Variants in MTERF1 observed in about 807,000 individuals in gnomAD.
MTERF1 encodes the protein mitochondrial transcription termination factor 1, also known as transcription termination factor 1, mitochondrial.
Under a neutral mutation model 31.6 loss-of-function variants are expected in MTERF1, and 29 were observed. That is an observed-to-expected ratio of 0.92 (90% CI 0.68 to 1.25). The LOEUF (loss-of-function observed/expected upper bound fraction) is 1.25, where lower values mean the gene tolerates loss of function less well. Among genes scored for constraint, MTERF1 ranks in the 50% most tolerant of loss-of-function variants. The pLI, the probability that MTERF1 is intolerant of heterozygous loss-of-function variation, is 0.00. For synonymous variants in MTERF1, 152 were observed against 164.1 expected, an observed-to-expected ratio of 0.93 and a Z score of 0.57; for missense variants, 500 against 469.1, an observed-to-expected ratio of 1.07 and a Z score of -0.61.
intron 2 of MTERF1, among the ~76,000 whole-genome samples, chr7:91,876,356 A>C (rs1318422615): frequency 1.3e-5 from 2 of 152,228 alleles, no homozygotes; most frequent in African/African-American, 4.8e-5. Flanking sequence ...TATAGCTGTA[A>C]CAAGTTCGTG....
At chr7:91,879,203 T>C (rs1584466395) in intron 2 of MTERF1, among the ~76,000 whole-genome samples, 1 of 152,176 alleles carries the variant, frequency 6.6e-6, no homozygotes, top group South Asian at 2.1e-4. Context: ...ATAACATTAT[T>C]TGCTATAACA....
chr7:91,876,980 T>C, intron 2 of MTERF1: 1 of 972,458 alleles, frequency 1.0e-6, no homozygotes, highest in Non-Finnish European at 1.2e-6. Context: ...CAGTACTTTC[T>C]AGAGAGGTCC....
Position 91,874,165 on chromosome 7 carries a change from A to G in MTERF1, c.629T>C (p.Leu210Pro). The part of the protein sequence containing the change: ...APRTFSNSLD[L>P]NKQMVEFLQA... ...CAAAAATTCAACCATCTGTTTATTC[A>G]GATCAAGACTATTGGAGAAGGTACG... The change falls in exon 3 of 3, where the codon CTG becomes CCG. Residue 210 changes from leucine (L) to proline (P), a missense_variant. Coordinates refer to ENST00000351870, the MANE Select transcript of MTERF1 (RefSeq NM_006980.5). 6.2e-7 allele frequency: 1 copy of G among 1,614,214 alleles called. No individual in the cohort carries two copies. Among genetic ancestry groups the G allele is most frequent in the Non-Finnish European group, 8.5e-7 (1 of 1,180,030 alleles).
chr7:91,880,432 G>A (rs1789476198), intron 1 of MTERF1: 2 of 215,736 alleles, frequency 9.3e-6, no homozygotes, highest in South Asian at 7.6e-5. Context: ...AAACAGCGCC[G>A]AGCTCCCATA....
chr7:91,875,875 A>G (rs1447708157), intron 2 of MTERF1, among the ~76,000 whole-genome samples: 1 of 152,238 alleles, frequency 6.6e-6, no homozygotes, highest in African/African-American at 2.4e-5. Flanking sequence ...TTGTAACCCA[A>G]TAATTCCAAA....
Position 91,872,002 on chromosome 7 carries a change from T to G in MTERF1, c.*1592A>C, listed in dbSNP as rs1299348364. ...AAGAGGAAAAGAGACCTAAGTACAT[T>G]AGCAATCGCCATGTGATACACTGTG... On this transcript the variant is annotated 3_prime_UTR_variant, in exon 3 of 3. Coordinates refer to ENST00000351870, the MANE Select transcript of MTERF1 (RefSeq NM_006980.5). The G allele has an allele frequency of 6.6e-6, 1 of 152,238 alleles. No homozygotes were observed. Among genetic ancestry groups the G allele is most frequent in the African/African-American group, 2.4e-5 (1 of 41,420 alleles). The allele number at this position is 152,238 out of a possible 1,614,324, so 9.4% of individuals were successfully genotyped here.
Position 91,874,094 on chromosome 7 carries a change from C to A in MTERF1, c.700G>T (p.Val234Phe), listed in dbSNP as rs756972757. Residue 234 changes from valine (V) to phenylalanine (F), a missense_variant, in exon 3 of 3, where the codon GTC (valine) becomes TTC (phenylalanine). By Grantham distance (50) the Val-to-Phe change is conservative. Coordinates refer to ENST00000351870, the MANE Select transcript of MTERF1 (RefSeq NM_006980.5). ...SLGHNDPADF[V>F]RKIIFKNPFI... The stretch of plus-strand genomic sequence containing the variant: ...GGGTTTTTAAAAATTATCTTTCTGA[C>A]AAAATCTGCGGGATCATTGTGACCC... 57 of 1,613,972 alleles carry A rather than the reference C, an allele frequency of 3.5e-5. 1 individual carries two copies. In the Middle Eastern group the frequency reaches 9.9e-4, roughly 28 times the overall value.
In MTERF1 at chr7:91,871,441, A is replaced by T. The variant is rs1383233415; in HGVS notation, c.*2153T>A. Reference sequence around the variant, plus strand: ...AAAACACTCGCGTACAATTCAGAAGACTTAAGAAATCAATACTTTAAGCCA... The same window carrying T: ...AAAACACTCGCGTACAATTCAGAAGTCTTAAGAAATCAATACTTTAAGCCA... On this transcript the variant is annotated 3_prime_UTR_variant, in exon 3 of 3. Transcript: ENST00000351870. The T allele has an allele frequency of 6.6e-6, 1 of 152,236 alleles. No homozygotes were observed. The highest frequency in any genetic ancestry group is 6.5e-5 in the Admixed American group (1 of 15,282). 9.4% of individuals were successfully genotyped at this position (152,236 alleles called of 1,614,324 possible). A position where few individuals can be genotyped will look rare whatever the true frequency, so the allele number is the denominator to read the frequency against.
intron 1 of MTERF1, 58 bp from the exon 2 acceptor site, chr7:91,880,171 A>T (rs750208648): frequency 5.0e-6 from 7 of 1,399,976 alleles, no homozygotes; most frequent in South Asian, 4.8e-5. Flanking sequence ...TTCCTAATAC[A>T]AAATAAGAGA....
At chr7:91,877,831 A>G (rs985627973) in intron 2 of MTERF1, among the ~76,000 whole-genome samples, 1 of 152,182 alleles carries the variant, frequency 6.6e-6, no homozygotes. Flanking sequence ...CTTCAAAGTG[A>G]TCTTTTTCTA....
chr7:91,874,808 A>G (rs1483546853), intron 2 of MTERF1, 44 bp from the exon 3 acceptor site: 6 of 1,369,574 alleles, frequency 4.4e-6, no homozygotes, highest in Non-Finnish European at 5.0e-6. Context: ...TGCATGTGTT[A>G]AACAACTAAA....
intron 2 of MTERF1, among the ~76,000 whole-genome samples, 181 bp downstream of exon 2, chr7:91,879,874 T>G (rs1357899388): frequency 6.6e-6 from 1 of 152,170 alleles, no homozygotes; most frequent in Admixed American, 6.5e-5. Context: ...CACTGAAAAT[T>G]TCTATGCTTG....
Position 91,874,262 on chromosome 7 carries a change from T to C in MTERF1, c.532A>G (p.Asn178Asp). ...ACTGAGTAGAGGAACTTTATATTAT[T>C]CTCTAAGTTTAGGTTGTTATTGGAC... Reference protein sequence around the residue: ...FRSNNNLNLENNIKFLYSVGL... With the variant: ...FRSNNNLNLEDNIKFLYSVGL... The change falls in exon 3 of 3, where the codon AAT (asparagine) becomes GAT (aspartate). Residue 178 changes from asparagine to aspartate, a missense_variant. Physicochemically the swap from Asn to Asp is conservative, Grantham distance 23. Transcript: ENST00000351870. The C allele has an allele frequency of 6.2e-7, 1 of 1,613,934 alleles. No individual in the cohort carries two copies. Among genetic ancestry groups the C allele is most frequent in the East Asian group, 2.2e-5 (1 of 44,874 alleles).
rs1789213294 is a variant in MTERF1 at position 91,872,790 on chromosome 7, A to C, written c.*804T>G. 1 of 152,148 alleles carries C rather than the reference A, an allele frequency of 6.6e-6. No individual in the cohort carries two copies. Among genetic ancestry groups the C allele is most frequent in the African/African-American group, 2.4e-5 (1 of 41,424 alleles). 9.4% of individuals were successfully genotyped at this position (152,148 alleles called of 1,614,324 possible). A position where few individuals can be genotyped will look rare whatever the true frequency, so the allele number is the denominator to read the frequency against. On this transcript the variant is annotated 3_prime_UTR_variant, in exon 3 of 3. Transcript: ENST00000351870. ...ATCTTGAAAATACCGACATTATCTG[A>C]TTTGCCATTTTTTAAGTCAATGCCT...
At chr7:91,878,359 CAT>C (rs1435559497) in intron 2 of MTERF1, among the ~76,000 whole-genome samples, 15 of 152,104 alleles carry the variant, frequency 9.9e-5, no homozygotes, top group African/African-American at 2.2e-4. Flanking sequence ...CTAAAAATGA[CAT>C]GTGTGGTCTC....
chr7:91,878,494 T>C (rs1789403031), intron 2 of MTERF1, among the ~76,000 whole-genome samples: 1 of 152,220 alleles, frequency 6.6e-6, no homozygotes, highest in Non-Finnish European at 1.5e-5. Context: ...ATTTTAAATG[T>C]TCATAGCCTT....
intron 2 of MTERF1, among the ~76,000 whole-genome samples, chr7:91,876,305 C>A (rs1175198688): frequency 6.6e-6 from 1 of 152,178 alleles, no homozygotes; most frequent in African/African-American, 2.4e-5. Context: ...TATAACAGTA[C>A]ATATATATTT....
Position 91,871,355 on chromosome 7 carries a change from T to C in MTERF1, c.*2239A>G, listed in dbSNP as rs1789182408. 6.6e-6 allele frequency: 1 copy of C among 152,122 alleles called. No homozygotes were observed. The highest frequency in any genetic ancestry group is 6.6e-5 in the Admixed American group (1 of 15,264). 9.4% of individuals were successfully genotyped at this position (152,122 alleles called of 1,614,324 possible). A position where few individuals can be genotyped will look rare whatever the true frequency, so the allele number is the denominator to read the frequency against. On this transcript the variant is annotated 3_prime_UTR_variant, in exon 3 of 3. Transcript: ENST00000351870. ...CTGCTGATGTCAATAAACTATTATC[T>C]CTTCTACCCACCTCCTTCAAGTCCC...
At position 91,874,574 on chromosome 7, in the gene MTERF1, C is replaced by G. The variant is rs369700998; in HGVS notation, c.220G>C (p.Asp74His). 1.6e-5 allele frequency: 26 copies of G among 1,614,060 alleles called. No homozygotes were observed. Among genetic ancestry groups the G allele is most frequent in the Non-Finnish European group, 2.1e-5 (25 of 1,180,022 alleles). Residue 74 changes from aspartate to histidine, a missense_variant, in exon 3 of 3, where the codon GAC becomes CAC. Asp to His is a moderately conservative substitution (Grantham distance 81). Transcript: ENST00000351870. The stretch of plus-strand genomic sequence containing the variant: ...ATAGTAAGTAAGTTTTTCAGTAGGT[C>G]CTCATTTTTCAAAGGCTCACTGTCT... ...NTDSEPLKNEDLLKNLLTMGV... is the reference protein window; with the variant it reads ...NTDSEPLKNEHLLKNLLTMGV...
Sources: allele counts gnomAD v4.1 joint callset (sites outside exome capture counted in the v4.1 genomes callset), GRCh38; gene constraint gnomAD v4.1.1; transcripts MANE v1.5; gene names NCBI Gene and HGNC (gene_info 2026-07-23, HGNC 2026-07-21).